Variants in KALRN observed in about 807,000 individuals in gnomAD.
KALRN encodes kalirin.
KALRN carries 70 observed loss-of-function variants against 353.7 expected under a neutral mutation model. That is an observed-to-expected ratio of 0.20 (90% confidence interval 0.16 to 0.24). KALRN has a LOEUF of 0.24. KALRN is among the 10% of genes least tolerant of loss of function. KALRN has a pLI of 1.00. For synonymous variants in KALRN, 1,391 were observed against 1,434.8 expected (o/e 0.97, Z 0.69); for missense variants, 2,791 against 3,756.7 (o/e 0.74, Z 6.72).
At chr3:124,624,433 G>T (rs149745303) in intron 34 of KALRN, among the ~76,000 whole-genome samples, 1 of 152,260 alleles carries the variant, frequency 6.6e-6, no homozygotes, top group African/African-American at 2.4e-5. Context: ...CATATATAGG[G>T]TTTGATACCA....
intron 1 of KALRN, among the ~76,000 whole-genome samples, chr3:124,151,457 C>A (rs1249245999): frequency 3.9e-5 from 6 of 152,146 alleles, no homozygotes; most frequent in Non-Finnish European, 8.8e-5. Context: ...AAGTCTAGAA[C>A]ATTTTCATAT....
At chr3:124,262,535 G>A (rs1344452773) in intron 3 of KALRN, among the ~76,000 whole-genome samples, 1 of 152,344 alleles carries the variant, frequency 6.6e-6, no homozygotes, top group Middle Eastern at 3.4e-3. Context: ...CAGGGAAGAA[G>A]AGGCAACTCC....
intron 1 of KALRN, among the ~76,000 whole-genome samples, chr3:124,142,036 A>G (rs2066685560): frequency 6.6e-6 from 1 of 152,140 alleles, no homozygotes; most frequent in Non-Finnish European, 1.5e-5. Context: ...AAAATACATA[A>G]TAGGCCCTCA....
intron 10 of KALRN, among the ~76,000 whole-genome samples, chr3:124,369,255 C>CAA (rs1204382249): frequency 9.9e-5 from 15 of 152,130 alleles, no homozygotes; most frequent in Admixed American, 9.8e-4. Flanking sequence ...TGTCAATTGA[C>CAA]AAAACTATAT....
intron 1 of KALRN, among the ~76,000 whole-genome samples, chr3:124,085,618 T>C (rs2060772472): frequency 6.6e-6 from 1 of 152,086 alleles, no homozygotes; most frequent in African/African-American, 2.4e-5. Context: ...ACCTTATGAG[T>C]AGGGGGTAGA....
chr3:124,434,248 C>G (rs2093387122), intron 16 of KALRN, 59 bp from the exon 17 acceptor site: 8 of 1,367,478 alleles, frequency 5.9e-6, no homozygotes, highest in Non-Finnish European at 8.3e-6. Context: ...CACTCCACCC[C>G]CTCCCATACC....
chr3:124,047,580 C>T (rs113428180), intron 1 of KALRN, among the ~76,000 whole-genome samples: 3 of 150,720 alleles, frequency 2.0e-5, no homozygotes, highest in Non-Finnish European at 4.4e-5. Flanking sequence ...GCAAGCTCTG[C>T]CCCCTGGGTT....
intron 16 of KALRN, among the ~76,000 whole-genome samples, chr3:124,433,119 C>G (rs2093342218): frequency 6.6e-6 from 1 of 151,970 alleles, no homozygotes; most frequent in Non-Finnish European, 1.5e-5. Context: ...TTGGCTTAAC[C>G]CATTTTGACA....
chr3:124,252,700 C>T (rs565347449), intron 3 of KALRN, among the ~76,000 whole-genome samples: 1 of 152,214 alleles, frequency 6.6e-6, no homozygotes, highest in South Asian at 2.1e-4. Context: ...ACAAAAACCT[C>T]TGGATGAATT....
In KALRN at chr3:124,228,008, G is replaced by A. The variant is rs1279597047; in HGVS notation, c.92G>A (p.Gly31Asp). 6.2e-7 allele frequency: 1 copy of A among 1,613,892 alleles called. No homozygotes were observed. Among genetic ancestry groups the A allele is most frequent in the African/African-American group, 1.3e-5 (1 of 74,864 alleles). Reference sequence around the variant, plus strand: ...CCCACAGGGTCTTTTCGGAATGATGGTTTGAAAGCTTCTGATGTCCTTCCT... The same window carrying A: ...CCCACAGGGTCTTTTCGGAATGATGATTTGAAAGCTTCTGATGTCCTTCCT... ...FFRTGSFRNDGLKASDVLPIL... is the reference protein window; with the variant it reads ...FFRTGSFRNDDLKASDVLPIL... Residue 31 changes from glycine to aspartate, a missense_variant, in exon 2 of 60, where the codon GGT becomes GAT. Coordinates refer to ENST00000682506, the MANE Select transcript of KALRN (RefSeq NM_001388419.1).
intron 1 of KALRN, among the ~76,000 whole-genome samples, chr3:124,098,399 G>T (rs537708781): frequency 1.3e-5 from 2 of 152,066 alleles, no homozygotes; most frequent in Non-Finnish European, 2.9e-5. Flanking sequence ...CCTACCTCTG[G>T]TCTCCCTCTT....
At chr3:124,262,627 T>G (rs774103002) in intron 3 of KALRN, among the ~76,000 whole-genome samples, 3 of 152,210 alleles carry the variant, frequency 2.0e-5, no homozygotes, top group African/African-American at 2.4e-5. Context: ...GGGACTTTTC[T>G]ATGTACCAGG....
At position 124,298,970 on chromosome 3, in the gene KALRN, T is replaced by G. The variant is rs543713109; in HGVS notation, c.1092+57T>G. 4.4e-6 allele frequency: 7 copies of G among 1,607,198 alleles called. No individual in the cohort carries two copies. In the African/African-American group the frequency reaches 9.4e-5, roughly 22 times the overall value. ...CTGGGAGTGGGAGAGTGGGGAGAAGTGGGAGGAGGGACAGAAACAGACTTT... is the reference window on the plus strand; with the variant it reads ...CTGGGAGTGGGAGAGTGGGGAGAAGGGGGAGGAGGGACAGAAACAGACTTT... On this transcript the variant is annotated intron_variant, in intron 6 of 59. Coordinates refer to ENST00000682506, the MANE Select transcript of KALRN (RefSeq NM_001388419.1).
In KALRN at chr3:124,461,784, A is replaced by G. The variant is rs1577120748; in HGVS notation, c.3855-106A>G. The G allele has an allele frequency of 1.8e-5, 14 of 785,250 alleles. No homozygotes were observed. The East Asian group carries it at 3.0e-4, about 17-fold the overall frequency. 48.6% of individuals were successfully genotyped at this position (785,250 alleles called of 1,614,324 possible). A position where few individuals can be genotyped will look rare whatever the true frequency, so the allele number is the denominator to read the frequency against. The stretch of plus-strand genomic sequence containing the variant: ...AAAGACCTGTTGATGAAGTAGAAAA[A>G]TAAGACATTTAAGAATGTCATACAT... On this transcript the variant is annotated intron_variant, in intron 23 of 59. Coordinates refer to ENST00000682506, the MANE Select transcript of KALRN (RefSeq NM_001388419.1).
chr3:124,412,449 G>A (rs78175738), intron 13 of KALRN, among the ~76,000 whole-genome samples: 6,081 of 152,260 alleles, frequency 0.04, 415 homozygotes, highest in African/African-American at 0.14. Flanking sequence ...GGGTGTCATC[G>A]GGGTAGCATG....
chr3:124,715,979 ATAT>A (rs1280874400), intron 58 of KALRN, among the ~76,000 whole-genome samples: 3 of 152,006 alleles, frequency 2.0e-5, no homozygotes, highest in African/African-American at 4.8e-5. Flanking sequence ...CTATATGATA[ATAT>A]TAATTCATTA....
chr3:124,652,756 T>A (rs1222193923), intron 38 of KALRN, among the ~76,000 whole-genome samples: 1 of 152,082 alleles, frequency 6.6e-6, no homozygotes, highest in Non-Finnish European at 1.5e-5. Context: ...TTTTTGTATT[T>A]TTAGTAGAGA....
Position 124,054,098 on chromosome 3 carries a change from T to C in KALRN, c.73+20285T>C, listed in dbSNP as rs114901925. ...TAATGCTAACCTTTCCAATATGCTT[T>C]GTGACTGTTTCTAGGCAACAGGAAA... is the stretch of plus-strand genomic sequence containing the variant. On this transcript the variant is annotated intron_variant, in intron 1 of 59. Coordinates refer to ENST00000682506, the MANE Select transcript of KALRN (RefSeq NM_001388419.1). 8.3e-3 allele frequency among the ~76,000 whole-genome samples: 1,265 copies of C among 152,332 alleles called. 15 individuals are homozygous for C. The highest frequency in any genetic ancestry group is 0.028 in the African/African-American group (1,166 of 41,576).
At chr3:124,323,849 G>A (rs1473409234) in intron 6 of KALRN, among the ~76,000 whole-genome samples, 1 of 152,212 alleles carries the variant, frequency 6.6e-6, no homozygotes, top group Admixed American at 6.5e-5. Context: ...CACTGTCAAT[G>A]TCCCACCTAT....
Sources: allele counts gnomAD v4.1 joint callset (sites outside exome capture counted in the v4.1 genomes callset), GRCh38; gene constraint gnomAD v4.1.1; transcripts MANE v1.5; gene names NCBI Gene and HGNC (gene_info 2026-07-23, HGNC 2026-07-21).